CSMD1: variants seen among roughly 807,000 people sequenced by gnomAD.
CSMD1 encodes CUB and sushi domain-containing protein 1.
CSMD1 carries 213 observed loss-of-function variants against 417.5 expected under a neutral mutation model. The ratio of observed to expected loss-of-function variants is 0.51; its 90% CI spans 0.46 to 0.57. The LOEUF is 0.57. Among genes scored for constraint, CSMD1 ranks in the 20% least tolerant of loss-of-function variants. The pLI, the probability that CSMD1 is intolerant of heterozygous loss-of-function variation, is 0.00. For synonymous variants in CSMD1, 2,862 were observed against 1,736.8 expected (o/e 1.65, Z -16.11); for missense variants, 6,923 against 4,529.7 (o/e 1.53, Z -15.17).
At position 4,546,570 on chromosome 8, in the gene CSMD1, G is replaced by A. The variant is rs188250919; in HGVS notation, c.302+90772C>T. Among the ~76,000 whole-genome samples, 8 of 152,198 alleles carry A rather than the reference G, an allele frequency of 5.3e-5. No homozygotes were observed. In the East Asian group the frequency reaches 1.4e-3, roughly 26 times the overall value. ...CTACCCTAGTACATCAGCACTTCTG[G>A]TTCTCAGGCCTTCAGATTCAGGACA... On this transcript the variant is annotated intron_variant, in intron 2 of 69. Transcript: ENST00000635120.
chr8:3,604,244 T>C (rs1033581421), intron 8 of CSMD1, among the ~76,000 whole-genome samples: 30 of 152,010 alleles, frequency 2.0e-4, no homozygotes, highest in African/African-American at 6.3e-4. Context: ...TAGACGTGCA[T>C]AGAATTTCTG....
At position 3,533,615 on chromosome 8, in the gene CSMD1, C is replaced by G. The variant is rs374789833; in HGVS notation, c.1345-39889G>C. 2.6e-5 allele frequency among the ~76,000 whole-genome samples: 4 copies of G among 152,288 alleles called. No homozygotes were observed. The East Asian group carries it at 5.8e-4, about 22-fold the overall frequency. ...CAGGGAAGCCCTTGCTTCCCTGAAT[C>G]CACTCATCTGCATCTGGAATCTCCC... On this transcript the variant is annotated intron_variant, in intron 10 of 69. Transcript: ENST00000635120.
intron 1 of CSMD1, among the ~76,000 whole-genome samples, chr8:4,955,773 A>G (rs1344858677): frequency 2.2e-5 from 1 of 46,496 alleles, no homozygotes; most frequent in East Asian, 2.5e-3. Context: ...TCCAAACTGC[A>G]TGTTAGGTGG....
At chr8:4,352,009 T>A (rs998829390) in intron 3 of CSMD1, among the ~76,000 whole-genome samples, 2 of 151,344 alleles carry the variant, frequency 1.3e-5, no homozygotes, top group African/African-American at 4.9e-5. Flanking sequence ...TGGAATTGAC[T>A]AATGCAATGC....
chr8:4,536,801 A>G (rs1327172852), intron 2 of CSMD1, among the ~76,000 whole-genome samples: 1 of 152,210 alleles, frequency 6.6e-6, no homozygotes, highest in East Asian at 1.9e-4. Flanking sequence ...CACCTGTATC[A>G]TTTTATTAAC....
At chr8:4,431,482 T>C (rs1797870109) in intron 2 of CSMD1, among the ~76,000 whole-genome samples, 1 of 151,982 alleles carries the variant, frequency 6.6e-6, no homozygotes, top group Non-Finnish European at 1.5e-5. Context: ...GAGAAGAAAG[T>C]AGAGAGACCA....
chr8:4,311,176 T>C (rs1798542285), intron 3 of CSMD1, among the ~76,000 whole-genome samples: 1 of 152,060 alleles, frequency 6.6e-6, no homozygotes, highest in Non-Finnish European at 1.5e-5. Context: ...TATAAATCAT[T>C]CCACCATAAA....
intron 1 of CSMD1, among the ~76,000 whole-genome samples, chr8:4,944,911 C>G (rs1808268229): frequency 6.6e-6 from 1 of 152,020 alleles, no homozygotes; most frequent in African/African-American, 2.4e-5. Context: ...AGGATATACT[C>G]AAAACAGTCG....
intron 3 of CSMD1, among the ~76,000 whole-genome samples, chr8:4,090,585 A>C (rs1348650413): frequency 6.6e-6 from 1 of 152,208 alleles, no homozygotes; most frequent in African/African-American, 2.4e-5. Context: ...AGGTGTGCTC[A>C]CCTGACCTTC....
intron 3 of CSMD1, among the ~76,000 whole-genome samples, chr8:4,411,625 T>C (rs1462582939): frequency 6.6e-6 from 1 of 152,306 alleles, no homozygotes; most frequent in East Asian, 1.9e-4. Context: ...TCCTTCCACC[T>C]GCTCATTCCA....
intron 12 of CSMD1, among the ~76,000 whole-genome samples, chr8:3,414,023 C>G (rs749151717): frequency 5.3e-5 from 8 of 151,078 alleles, no homozygotes; most frequent in Non-Finnish European, 1.2e-4. Flanking sequence ...CCTGGAATCC[C>G]AACTACTGGG....
intron 2 of CSMD1, among the ~76,000 whole-genome samples, chr8:4,476,551 G>A (rs967119603): frequency 1.3e-5 from 2 of 152,030 alleles, no homozygotes; most frequent in African/African-American, 2.4e-5. Context: ...AAACAGAAAG[G>A]GATTTTAAAA....
chr8:3,743,075 G>C (rs1419511700), intron 6 of CSMD1, among the ~76,000 whole-genome samples: 1 of 152,166 alleles, frequency 6.6e-6, no homozygotes, highest in Non-Finnish European at 1.5e-5. Context: ...GCTGTGCTTA[G>C]CTCCATCTCA....
At chr8:4,591,522 C>T (rs939857550) in intron 2 of CSMD1, among the ~76,000 whole-genome samples, 5 of 152,080 alleles carry the variant, frequency 3.3e-5, no homozygotes, top group African/African-American at 4.8e-5. Context: ...TGTGGTATAG[C>T]GTGATTACAG....
At chr8:3,771,557 AAC>A (rs1259848071) in intron 5 of CSMD1, among the ~76,000 whole-genome samples, 1 of 152,124 alleles carries the variant, frequency 6.6e-6, no homozygotes, top group Admixed American at 6.5e-5. Context: ...CCATTGCAGA[AAC>A]ACAGCCCTAG....
At chr8:4,867,542 A>G (rs916504313) in intron 1 of CSMD1, among the ~76,000 whole-genome samples, 1 of 152,076 alleles carries the variant, frequency 6.6e-6, no homozygotes, top group Non-Finnish European at 1.5e-5. Context: ...TGAGTAAGCA[A>G]ATTGCAAGGG....
intron 1 of CSMD1, among the ~76,000 whole-genome samples, chr8:4,687,023 C>A (rs534051351): frequency 7.6e-4 from 115 of 152,314 alleles, no homozygotes; most frequent in Non-Finnish European, 1.4e-3. Context: ...CACCAGCCAG[C>A]GAACTCCATG....
rs145792925 is a variant in CSMD1 at position 4,021,257 on chromosome 8, G to C, written c.610+10648C>G. On this transcript the variant is annotated intron_variant, in intron 4 of 69. Transcript: ENST00000635120. ...TGAAAATCAAAATACTTCACTTACA[G>C]TTTACATTAATTCTGCATTAAAATT... 1.2e-4 allele frequency among the ~76,000 whole-genome samples: 18 copies of C among 152,302 alleles called. No homozygotes were observed. The East Asian group carries it at 3.5e-3, about 29-fold the overall frequency.
chr8:3,481,332 T>C (rs1361854480), intron 11 of CSMD1, among the ~76,000 whole-genome samples: 1 of 152,062 alleles, frequency 6.6e-6, no homozygotes, highest in Non-Finnish European at 1.5e-5. Context: ...CTATTTTGCT[T>C]ACCATGAGTT....
Sources: allele counts gnomAD v4.1 joint callset (sites outside exome capture counted in the v4.1 genomes callset), GRCh38; gene constraint gnomAD v4.1.1; transcripts MANE v1.5; gene names NCBI Gene and HGNC (gene_info 2026-07-23, HGNC 2026-07-21).